Variants in SPATA13 observed in about 807,000 individuals in gnomAD.
SPATA13 encodes the protein spermatogenesis associated 13.
SPATA13 carries 50 observed loss-of-function variants against 104.0 expected under a neutral mutation model. The ratio of observed to expected loss-of-function variants is 0.48; its 90% CI spans 0.38 to 0.61. The LOEUF is 0.61. SPATA13 is among the 20% of genes least tolerant of loss of function. The pLI is 0.00. For missense variants in SPATA13, 1,524 were observed against 1,690.6 expected, an observed-to-expected ratio of 0.90 and a Z score of 1.73; for synonymous variants, 606 against 667.5, an observed-to-expected ratio of 0.91 and a Z score of 1.42.
chr13:24,126,320 C>T (rs1881215148), intron 3 of SPATA13, among the ~76,000 whole-genome samples: 1 of 152,090 alleles, frequency 6.6e-6, no homozygotes, highest in Non-Finnish European at 1.5e-5. Context: ...ACAGCATTAA[C>T]TTAATGGGAA....
At chr13:24,053,547 A>G (rs963873440) in intron 3 of SPATA13, among the ~76,000 whole-genome samples, 7 of 152,086 alleles carry the variant, frequency 4.6e-5, no homozygotes, top group African/African-American at 1.7e-4. Context: ...TTGGTATCTA[A>G]GCACCCTTAT....
intron 3 of SPATA13, among the ~76,000 whole-genome samples, chr13:24,077,102 G>A (rs1163922429): frequency 6.6e-6 from 1 of 151,972 alleles, no homozygotes; most frequent in Non-Finnish European, 1.5e-5. Flanking sequence ...AAGAATGTCT[G>A]GGAAGGGCAC....
chr13:24,300,747 C>T (rs1314113080), intron 12 of SPATA13, among the ~76,000 whole-genome samples: 1 of 152,178 alleles, frequency 6.6e-6, no homozygotes, highest in Non-Finnish European at 1.5e-5. Context: ...TGCCTGGGGC[C>T]CCTCTGCTCC....
chr13:24,121,419 T>C (rs1881027190), intron 3 of SPATA13, among the ~76,000 whole-genome samples: 1 of 152,212 alleles, frequency 6.6e-6, no homozygotes, highest in African/African-American at 2.4e-5. Context: ...TGCTATTTTA[T>C]ACATAGGCTA....
rs1435245095 is a variant in SPATA13, at chr13:24,223,813, C to T, written c.884C>T (p.Thr295Ile). The T allele has an allele frequency of 1.9e-6, 3 of 1,551,840 alleles. No individual in the cohort carries two copies. Among genetic ancestry groups the T allele is most frequent in the Non-Finnish European group, 8.7e-7 (1 of 1,147,022 alleles). The change falls in exon 2 of 13, where the codon ACT becomes ATT. Residue 295 changes from threonine (T) to isoleucine (I), a missense_variant. By Grantham distance (89) the Thr-to-Ile change is moderately conservative. Coordinates refer to ENST00000382108, the MANE Select transcript of SPATA13 (RefSeq NM_001166271.3). ...CAGAGGACCCTGAGCAGTTCCTCCACTGACTCCCAAAAGCTTGGGTCAGGA... is the reference window on the plus strand; with the variant it reads ...CAGAGGACCCTGAGCAGTTCCTCCATTGACTCCCAAAAGCTTGGGTCAGGA... ...VPQRTLSSSS[T>I]DSQKLGSGRT...
chr13:24,113,580 A>G (rs1268171863), intron 3 of SPATA13, among the ~76,000 whole-genome samples: 1 of 151,828 alleles, frequency 6.6e-6, no homozygotes, highest in Non-Finnish European at 1.5e-5. Flanking sequence ...TAAATGAAGC[A>G]AGAAAATAAG....
At chr13:24,238,268 TGCCTCA>T (rs1204506874) in intron 2 of SPATA13, among the ~76,000 whole-genome samples, 1 of 150,984 alleles carries the variant, frequency 6.6e-6, no homozygotes, top group Non-Finnish European at 1.5e-5. Context: ...GCGATTCTTG[TGCCTCA>T]GCCTCTCAAG....
intron 1 of SPATA13, among the ~76,000 whole-genome samples, chr13:24,190,470 C>A (rs1406134419): frequency 6.7e-6 from 1 of 148,884 alleles, no homozygotes; most frequent in Non-Finnish European, 1.5e-5. Flanking sequence ...GGAACTGATT[C>A]ACCATTCTAG....
At chr13:24,173,958 C>T (rs1883106404) in intron 1 of SPATA13, among the ~76,000 whole-genome samples, 1 of 152,070 alleles carries the variant, frequency 6.6e-6, no homozygotes, top group Admixed American at 6.5e-5. Context: ...GGTTTTGGTA[C>T]CAGGGAAATA....
intron 3 of SPATA13, among the ~76,000 whole-genome samples, chr13:24,137,112 G>C (rs1881599535): frequency 2.8e-5 from 1 of 35,092 alleles, no homozygotes. Context: ...TTACAGGCGT[G>C]AGCCACCGCG....
At chr13:24,136,640 T>TG (rs1442996023) in intron 3 of SPATA13, among the ~76,000 whole-genome samples, 1 of 152,190 alleles carries the variant, frequency 6.6e-6, no homozygotes, top group African/African-American at 2.4e-5. Context: ...GGCTCAGCTT[T>TG]GGGGCCACGA....
At chr13:24,206,138 A>G (rs988164317) in intron 1 of SPATA13, among the ~76,000 whole-genome samples, 3 of 152,334 alleles carry the variant, frequency 2.0e-5, no homozygotes, top group Non-Finnish European at 1.5e-5. Context: ...TGAAGAGACA[A>G]TCTACAGAGT....
intron 2 of SPATA13, among the ~76,000 whole-genome samples, chr13:24,240,232 C>T (rs1364700475): frequency 6.6e-6 from 1 of 151,874 alleles, no homozygotes. Context: ...TGCACTGCAG[C>T]CTGATGACAG....
chr13:24,198,453 A>G (rs574827735), intron 1 of SPATA13, among the ~76,000 whole-genome samples: 2 of 152,332 alleles, frequency 1.3e-5, no homozygotes, highest in East Asian at 3.9e-4. Flanking sequence ...AAGGTGAAAA[A>G]GAGTCTAGAG....
chr13:24,094,763 C>T (rs953876661), intron 3 of SPATA13, among the ~76,000 whole-genome samples: 9 of 151,994 alleles, frequency 5.9e-5, no homozygotes, highest in Admixed American at 5.2e-4. Context: ...ATAGCAAGAC[C>T]CTGTGTCTAA....
intron 3 of SPATA13, among the ~76,000 whole-genome samples, chr13:24,068,003 T>C (rs1184345530): frequency 2.0e-5 from 3 of 152,192 alleles, no homozygotes; most frequent in Non-Finnish European, 2.9e-5. Flanking sequence ...TTAATTAAAA[T>C]TGTTTTTTAT....
intron 2 of SPATA13, among the ~76,000 whole-genome samples, chr13:23,999,388 A>AAAAAAAAAAAAC (rs1875846479): frequency 1.4e-5 from 2 of 145,280 alleles, no homozygotes; most frequent in Non-Finnish European, 3.0e-5. Context: ...AAAAAAAAAA[A>AAAAAAAAAAAAC]AGCCTGTTCG....
chr13:24,237,539 TG>T (rs1275773898), intron 2 of SPATA13, among the ~76,000 whole-genome samples: 1 of 152,078 alleles, frequency 6.6e-6, no homozygotes, highest in East Asian at 1.9e-4. Flanking sequence ...CCAGGGGCTG[TG>T]GGGGAAGAGA....
chr13:24,145,635 A>C (rs1257650019), intron 3 of SPATA13, among the ~76,000 whole-genome samples: 1 of 152,222 alleles, frequency 6.6e-6, no homozygotes, highest in Non-Finnish European at 1.5e-5. Context: ...TCTTCCTGCA[A>C]TTCTCAACTT....
Sources: allele counts gnomAD v4.1 joint callset (sites outside exome capture counted in the v4.1 genomes callset), GRCh38; gene constraint gnomAD v4.1.1; transcripts MANE v1.5; gene names NCBI Gene and HGNC (gene_info 2026-07-23, HGNC 2026-07-21).